Variants in ARHGAP44 observed in about 807,000 individuals in gnomAD.
ARHGAP44 encodes the protein rho GTPase-activating protein 44.
ARHGAP44 carries 43 observed loss-of-function variants against 106.8 expected under a neutral mutation model. The ratio of observed to expected loss-of-function variants is 0.40; its 90% CI spans 0.32 to 0.52. ARHGAP44 has a LOEUF of 0.52. Ranked by LOEUF, ARHGAP44 falls within the 20% of genes least tolerant of loss-of-function variation. The pLI, the probability that ARHGAP44 is intolerant of heterozygous loss-of-function variation, is 0.48. For synonymous variants in ARHGAP44, 439 were observed against 410.3 expected, an observed-to-expected ratio of 1.07 and a Z score of -0.85; for missense variants, 866 against 1,050.5, an observed-to-expected ratio of 0.82 and a Z score of 2.43.
chr17:12,793,821 T>C (rs1202056460), intron 1 of ARHGAP44, among the ~76,000 whole-genome samples: 1 of 152,204 alleles, frequency 6.6e-6, no homozygotes, highest in Non-Finnish European at 1.5e-5. Flanking sequence ...GACTTTAAAC[T>C]CTTTGGAGGC....
chr17:12,875,676 G>A (rs920290363), intron 1 of ARHGAP44, among the ~76,000 whole-genome samples: 3 of 152,066 alleles, frequency 2.0e-5, no homozygotes, highest in African/African-American at 4.8e-5. Flanking sequence ...GGGCGCAGTG[G>A]CTCACGCCTG....
intron 1 of ARHGAP44, among the ~76,000 whole-genome samples, chr17:12,861,894 C>T (rs1429736055): frequency 6.6e-6 from 1 of 152,032 alleles, no homozygotes; most frequent in African/African-American, 2.4e-5. Context: ...CTCAGCTTCC[C>T]AAAGTGCTGG....
At chr17:12,825,184 A>C (rs2150802788) in intron 1 of ARHGAP44, among the ~76,000 whole-genome samples, 1 of 152,016 alleles carries the variant, frequency 6.6e-6, no homozygotes, top group South Asian at 2.1e-4. Flanking sequence ...CTACAGGCAC[A>C]TGCTACCATG....
Position 12,978,036 on chromosome 17 carries a change from CAA to C in ARHGAP44, c.1764-2003_1764-2002del, listed in dbSNP as rs1157325814. On this transcript the variant is annotated intron_variant, in intron 18 of 20. Transcript: ENST00000379672. ...TGGGCAACAGAGCAAGACTCCATCT[CAA>C]AAAAAAAAAAAAAAAAAAGTGTGTT... Among the ~76,000 whole-genome samples the C allele has an allele frequency of 6.7e-3, 598 of 89,310 alleles. 14 individuals are homozygous for C. Among genetic ancestry groups the C allele is most frequent in the African/African-American group, 0.026 (555 of 21,036 alleles). The allele number at this position is 89,310 out of a possible 152,430, so 58.6% of individuals were successfully genotyped here.
rs548385121 is a variant in ARHGAP44, at chr17:12,984,763, C to T, written c.2172C>T (p.Ser724=). Reference sequence around the variant, plus strand: ...CTTCTGTCTTTACAAGCACTTTGAGCAAATCGCGGCCCACTCCTAAGCCGC... The same window carrying T: ...CTTCTGTCTTTACAAGCACTTTGAGTAAATCGCGGCCCACTCCTAAGCCGC... ...ASPSVFTSTL[S]KSRPTPKPRQ... The change falls in exon 20 of 21, where the codon AGC becomes AGT. Residue 724 remains serine (S), a synonymous_variant. Transcript: ENST00000379672. 2 of 1,613,964 alleles carry T rather than the reference C, an allele frequency of 1.2e-6. No homozygotes were observed. Among genetic ancestry groups the T allele is most frequent in the Admixed American group, 3.3e-5 (2 of 60,024 alleles).
intron 1 of ARHGAP44, among the ~76,000 whole-genome samples, chr17:12,872,795 A>T (rs2036441055): frequency 6.6e-6 from 1 of 152,060 alleles, no homozygotes; most frequent in African/African-American, 2.4e-5. Context: ...TTTCTTAAAA[A>T]TTTCCATTCT....
chr17:12,790,067 C>T lies in ARHGAP44; in HGVS notation c.53+176C>T, dbSNP rs994176662. 38 of 546,738 alleles carry T rather than the reference C, an allele frequency of 7.0e-5. No homozygotes were observed. In the African/African-American group the frequency reaches 7.4e-4, roughly 11 times the overall value. The allele number at this position is 546,738 out of a possible 1,614,324, so 33.9% of individuals were successfully genotyped here. On this transcript the variant is annotated intron_variant, in intron 1 of 20. Coordinates refer to ENST00000379672, the MANE Select transcript of ARHGAP44 (RefSeq NM_014859.6). ...GACCCCTCCTCCCTAACTTCCCAGA[C>T]CCCGGAGCTCTTCTCACTCGCCGCC...
rs1022781358 is a variant in ARHGAP44, at chr17:12,949,312, G to T, written c.973+61G>T. 4.7e-6 allele frequency: 7 copies of T among 1,491,528 alleles called. No individual in the cohort carries two copies. Among genetic ancestry groups the T allele is most frequent in the Non-Finnish European group, 6.4e-6 (7 of 1,100,802 alleles). 92.4% of individuals were successfully genotyped at this position (1,491,528 alleles called of 1,614,324 possible). A position where few individuals can be genotyped will look rare whatever the true frequency, so the allele number is the denominator to read the frequency against. On this transcript the variant is annotated intron_variant, in intron 11 of 20. Transcript: ENST00000379672. This position sits in a 1 kb window ranked among gnomAD's most constrained non-coding sequence, Gnocchi z 4.1. ...GCTCACAGGGAAGGGGTAGAGGGGA[G>T]GCTGTGTGGCTACAAGTCCAGGACA...
In ARHGAP44 at chr17:12,960,569, G is replaced by GA. The variant is rs1251323190; in HGVS notation, c.1523+1681dup. Among the ~76,000 whole-genome samples the GA allele has an allele frequency of 1.0e-4, 11 of 109,784 alleles. No homozygotes were observed. In the East Asian group the frequency reaches 3.6e-3, roughly 35 times the overall value. The allele number at this position is 109,784 out of a possible 152,430, so 72.0% of individuals were successfully genotyped here. On this transcript the variant is annotated intron_variant, in intron 16 of 20. Coordinates refer to ENST00000379672, the MANE Select transcript of ARHGAP44 (RefSeq NM_014859.6). ...CGACAGAGCAAGACTCCATCTCAAAGAAAAAAAAAGAAAGAGAGTCTCGCT... is the reference window on the plus strand; with the variant it reads ...CGACAGAGCAAGACTCCATCTCAAAGAAAAAAAAAAGAAAGAGAGTCTCGCT...
chr17:12,985,131 C>T lies in ARHGAP44; in HGVS notation c.2317+223C>T, dbSNP rs996653934. ...CAGGGGCTTCTTATGGGATCTCTCT[C>T]GGTCTAAGCCCACCAGCCTGGGGTT... On this transcript the variant is annotated intron_variant, in intron 20 of 20. Transcript: ENST00000379672. 2.4e-4 allele frequency: 130 copies of T among 548,314 alleles called. 1 individual carries two copies. Among genetic ancestry groups the T allele is most frequent in the Middle Eastern group, 4.9e-4 (1 of 2,052 alleles). 34.0% of individuals were successfully genotyped at this position (548,314 alleles called of 1,614,324 possible).
chr17:12,933,529 A>G (rs2038459617), intron 7 of ARHGAP44, among the ~76,000 whole-genome samples: 1 of 152,206 alleles, frequency 6.6e-6, no homozygotes, highest in Non-Finnish European at 1.5e-5. Flanking sequence ...AGACAAGCCC[A>G]ACTCTTCACA....
intron 19 of ARHGAP44, among the ~76,000 whole-genome samples, chr17:12,983,977 G>T (rs2039895156): frequency 6.6e-6 from 1 of 152,188 alleles, no homozygotes; most frequent in African/African-American, 2.4e-5. Flanking sequence ...AAGGAACAGG[G>T]GTTCTGTGGC....
chr17:12,921,856 GTAAT>G (rs1319087094), intron 6 of ARHGAP44, among the ~76,000 whole-genome samples: 1 of 152,110 alleles, frequency 6.6e-6, no homozygotes, highest in Non-Finnish European at 1.5e-5. Flanking sequence ...GATACTGTAA[GTAAT>G]TGTTGCACTG....
chr17:12,981,653 C>T (rs1489214946), intron 19 of ARHGAP44, among the ~76,000 whole-genome samples: 2 of 151,876 alleles, frequency 1.3e-5, no homozygotes, highest in Non-Finnish European at 2.9e-5. Flanking sequence ...CCACCTCGGC[C>T]TCCCAAAGTG....
intron 1 of ARHGAP44, among the ~76,000 whole-genome samples, chr17:12,833,095 T>G (rs1279088550): frequency 6.6e-6 from 1 of 152,230 alleles, no homozygotes; most frequent in Admixed American, 6.5e-5. Context: ...AGGGAGACTA[T>G]CCTAGCTAGA....
chr17:12,841,061 A>C (rs1255128618), intron 1 of ARHGAP44, among the ~76,000 whole-genome samples: 1 of 152,118 alleles, frequency 6.6e-6, no homozygotes, highest in East Asian at 1.9e-4. Context: ...AGCAGCAAGG[A>C]TGGGAAAGCC....
At chr17:12,804,129 C>G (rs1438883184) in intron 1 of ARHGAP44, among the ~76,000 whole-genome samples, 2 of 152,156 alleles carry the variant, frequency 1.3e-5, no homozygotes, top group Admixed American at 1.3e-4. Context: ...TGGCTTGTTT[C>G]CCTGTCAAAA....
intron 1 of ARHGAP44, among the ~76,000 whole-genome samples, chr17:12,853,892 G>T (rs2035832032): frequency 6.6e-6 from 1 of 152,020 alleles, no homozygotes; most frequent in Non-Finnish European, 1.5e-5. Flanking sequence ...CCTCTGCCTG[G>T]CTTCTAATCT....
At chr17:12,844,658 A>G (rs1483502464) in intron 1 of ARHGAP44, among the ~76,000 whole-genome samples, 3 of 152,240 alleles carry the variant, frequency 2.0e-5, no homozygotes, top group African/African-American at 4.8e-5. Context: ...GCTCCCCTTC[A>G]TGGTGTAGAA....
Sources: allele counts gnomAD v4.1 joint callset (sites outside exome capture counted in the v4.1 genomes callset), GRCh38; gene constraint gnomAD v4.1.1; non-coding constraint Gnocchi (gnomAD v3.1); transcripts MANE v1.5; gene names NCBI Gene and HGNC (gene_info 2026-07-23, HGNC 2026-07-21).